ANKRD27: variants seen among roughly 807,000 people sequenced by gnomAD.
The protein encoded by ANKRD27 is ankyrin repeat domain 27, also known as ankyrin repeat domain-containing protein 27.
ANKRD27 carries 112 observed loss-of-function variants against 129.7 expected under a neutral mutation model. That is an observed-to-expected ratio of 0.86 (90% CI 0.74 to 1.01). ANKRD27 has a LOEUF of 1.01. ANKRD27 is among the 50% of genes least tolerant of loss of function. The probability of loss-of-function intolerance (pLI) is 0.00; values close to 1 mark genes in which losing one functional copy is unlikely to be tolerated. For synonymous variants in ANKRD27, 516 were observed against 511.2 expected, an observed-to-expected ratio of 1.01 and a Z score of -0.13; for missense variants, 1,258 against 1,300.5, an observed-to-expected ratio of 0.97 and a Z score of 0.50.
intron 25 of ANKRD27, among the ~76,000 whole-genome samples, 200 bp from the exon 26 acceptor site, chr19:32,602,326 G>A (rs1304666992): frequency 2.0e-5 from 3 of 151,838 alleles, no homozygotes; most frequent in Non-Finnish European, 2.9e-5. Flanking sequence ...TTTACCACTG[G>A]GTAAAAGCTC....
chr19:32,615,466 C>G (rs2145269551), intron 22 of ANKRD27, among the ~76,000 whole-genome samples, 192 bp downstream of exon 22: 1 of 152,202 alleles, frequency 6.6e-6, no homozygotes, highest in East Asian at 1.9e-4. Context: ...TGCCTGTGGT[C>G]TCAGCTAGTC....
At chr19:32,656,103 G>GGAAAAGAAAAGAAAAGAAAAGAAAAGA (rs753712685) in intron 2 of ANKRD27, among the ~76,000 whole-genome samples, 14 of 123,756 alleles carry the variant, frequency 1.1e-4, no homozygotes, top group African/African-American at 4.7e-4. Context: ...AAGAAAGAAA[G>GGAAAAGAAAAGAAAAGAAAAGAAAAGA]AAAGAAAAGA....
chr19:32,613,900 G>A (rs1338503149), intron 22 of ANKRD27, among the ~76,000 whole-genome samples: 4 of 151,990 alleles, frequency 2.6e-5, no homozygotes, highest in Non-Finnish European at 5.9e-5. Context: ...AGTAGAGACG[G>A]GGTTTCACCA....
intron 1 of ANKRD27, among the ~76,000 whole-genome samples, chr19:32,670,243 C>G (rs909087411): frequency 2.0e-5 from 3 of 152,212 alleles, no homozygotes; most frequent in Non-Finnish European, 4.4e-5. Flanking sequence ...TCTGCTTTAT[C>G]TTGGACCTCA....
intron 3 of ANKRD27, 35 bp from the exon 4 acceptor site, chr19:32,646,650 CG>C: frequency 6.2e-7 from 1 of 1,600,804 alleles, no homozygotes; most frequent in Non-Finnish European, 8.5e-7. Context: ...CACCAGCAGC[CG>C]GGGCAACCAC....
intron 16 of ANKRD27, among the ~76,000 whole-genome samples, chr19:32,626,449 C>T (rs1372571314): frequency 6.6e-6 from 1 of 151,400 alleles, no homozygotes; most frequent in Non-Finnish European, 1.5e-5. Flanking sequence ...ACTGGGATTA[C>T]AGGCGTGAGC....
rs1971700088 is a variant in ANKRD27, at chr19:32,604,416, G to T, written c.2502C>A (p.Ala834=). 6.2e-7 allele frequency: 1 copy of T among 1,603,156 alleles called. No individual in the cohort carries two copies. Among genetic ancestry groups the T allele is most frequent in the East Asian group, 2.2e-5 (1 of 44,592 alleles). The change falls in exon 25 of 29, where the codon GCC becomes GCA. Residue 834 remains alanine (A), a synonymous_variant. Coordinates refer to ENST00000306065, the MANE Select transcript of ANKRD27 (RefSeq NM_032139.3). ...ELVALLLQHG[A]SINASNNKGN... ...CCTTATTGTTAGAAGCGTTAATGGA[G>T]GCCCCGTGCTGGAAAGAGAAACCAC... is the stretch of plus-strand genomic sequence containing the variant.
intron 26 of ANKRD27, 37 bp downstream of exon 26, chr19:32,601,978 C>A: frequency 7.4e-7 from 1 of 1,343,822 alleles, no homozygotes; most frequent in Non-Finnish European, 1.1e-6. Context: ...CTAAATATAC[C>A]CAACTTGAGC....
intron 2 of ANKRD27, among the ~76,000 whole-genome samples, chr19:32,650,084 T>C (rs1423694164): frequency 6.6e-6 from 1 of 152,118 alleles, no homozygotes; most frequent in Admixed American, 6.6e-5. Flanking sequence ...GGCTGACGGC[T>C]CCTTCCTACA....
rs1036106381 is a variant in ANKRD27 at position 32,604,427 on chromosome 19, G to A, written c.2494-3C>T. On this transcript the variant is annotated splice_region_variant and splice_polypyrimidine_tract_variant and intron_variant, in intron 24 of 28. Coordinates refer to ENST00000306065, the MANE Select transcript of ANKRD27 (RefSeq NM_032139.3). ...GAAGCGTTAATGGAGGCCCCGTGCTGGAAAGAGAAACCACACGATCAAAAG... is the reference window on the plus strand; with the variant it reads ...GAAGCGTTAATGGAGGCCCCGTGCTAGAAAGAGAAACCACACGATCAAAAG... The A allele has an allele frequency of 1.3e-6, 2 of 1,593,756 alleles. No individual in the cohort carries two copies. The highest frequency in any genetic ancestry group is 1.7e-6 in the Non-Finnish European group (2 of 1,164,542).
intron 2 of ANKRD27, among the ~76,000 whole-genome samples, chr19:32,653,518 G>A (rs556881299): frequency 3.4e-4 from 52 of 152,200 alleles, no homozygotes; most frequent in African/African-American, 1.1e-3. Flanking sequence ...GTAATTAGCC[G>A]GATAGTTGTA....
rs555855245 is a variant in ANKRD27 at position 32,602,120 on chromosome 19, T to C, written c.2662A>G (p.Lys888Glu). Residue 888 changes from lysine to glutamate, a missense_variant, in exon 26 of 29, where the codon AAA becomes GAA. Transcript: ENST00000306065. ...ACCACCTGAAGCAATTCCATTATTT[T>C]TGAATTCTGCAATTTGAAAGGGAAA... is the stretch of plus-strand genomic sequence containing the variant. The part of the protein sequence containing the change: ...TAVDCAEQNS[K>E]IMELLQVVPS... 2 of 1,599,656 alleles carry C rather than the reference T, an allele frequency of 1.3e-6. No individual in the cohort carries two copies. The highest frequency in any genetic ancestry group is 1.7e-4 in the Middle Eastern group (1 of 6,034).
rs1971584253 is a variant in ANKRD27 at position 32,597,275 on chromosome 19, AAATG to A, written c.*866_*869del. On this transcript the variant is annotated 3_prime_UTR_variant, in exon 29 of 29. Transcript: ENST00000306065. ...TCTATAGAAATTTATAAAAAGGAATAAATGGCAATAAATTCTAACCGAAAGTAAC... is the reference window on the plus strand; with the variant it reads ...TCTATAGAAATTTATAAAAAGGAATAGCAATAAATTCTAACCGAAAGTAAC... 6.6e-6 allele frequency: 1 copy of A among 152,644 alleles called. No individual in the cohort carries two copies. Among genetic ancestry groups the A allele is most frequent in the Non-Finnish European group, 1.5e-5 (1 of 68,034 alleles). The allele number at this position is 152,644 out of a possible 1,614,324, so 9.5% of individuals were successfully genotyped here. A position where few individuals can be genotyped will look rare whatever the true frequency, so the allele number is the denominator to read the frequency against.
chr19:32,645,237 C>T (rs1401766752), intron 4 of ANKRD27, among the ~76,000 whole-genome samples: 1 of 151,942 alleles, frequency 6.6e-6, no homozygotes, highest in Non-Finnish European at 1.5e-5. Flanking sequence ...CATGGTGAAA[C>T]CCTGTCTCTA....
chr19:32,605,928 A>C lies in ANKRD27; in HGVS notation c.2400T>G (p.Asn800Lys). 6.2e-7 allele frequency: 1 copy of C among 1,613,978 alleles called. No homozygotes were observed. The highest frequency in any genetic ancestry group is 8.5e-7 in the Non-Finnish European group (1 of 1,179,936). ...FQVVKCLLDS[N>K]AKPNKKDLSG... ...TGAGGTCCTTCTTATTGGGTTTTGCATTCGAATCTAACAGACACTTCACCA... is the reference window on the plus strand; with the variant it reads ...TGAGGTCCTTCTTATTGGGTTTTGCCTTCGAATCTAACAGACACTTCACCA... The change falls in exon 24 of 29, where the codon AAT (asparagine) becomes AAG (lysine). Residue 800 changes from asparagine to lysine, a missense_variant. Transcript: ENST00000306065.
intron 22 of ANKRD27, among the ~76,000 whole-genome samples, chr19:32,608,631 C>G (rs1971787453): frequency 6.6e-6 from 1 of 151,852 alleles, no homozygotes. Flanking sequence ...AATGAAATAC[C>G]CTGCATATTT....
intron 9 of ANKRD27, among the ~76,000 whole-genome samples, chr19:32,642,524 G>A (rs1277089772): frequency 6.6e-6 from 1 of 152,116 alleles, no homozygotes; most frequent in Non-Finnish European, 1.5e-5. Flanking sequence ...GATCACTTGA[G>A]GTCAGGAGTT....
chr19:32,634,287 G>A (rs1967050253), intron 12 of ANKRD27, among the ~76,000 whole-genome samples: 1 of 152,186 alleles, frequency 6.6e-6, no homozygotes, highest in Non-Finnish European at 1.5e-5. Flanking sequence ...AGCTAAGACA[G>A]AGGCCATGAT....
chr19:32,666,377 TC>T (rs1156302693), intron 1 of ANKRD27: 2 of 152,208 alleles, frequency 1.3e-5, no homozygotes, highest in African/African-American at 4.8e-5. Context: ...AGAAGACCCT[TC>T]CATGATTCAT....
Sources: gnomAD v4.1 joint callset for allele counts (sites outside exome capture counted in the v4.1 genomes callset) on GRCh38, gnomAD v4.1.1 for gene constraint, MANE v1.5 for transcripts, NCBI Gene and HGNC (gene_info 2026-07-23, HGNC 2026-07-21) for gene names.